PTPRD: variants seen among roughly 807,000 people sequenced by gnomAD.
PTPRD encodes receptor-type tyrosine-protein phosphatase delta.
Under a neutral mutation model 214.5 loss-of-function variants are expected in PTPRD, and 34 were observed. That is an observed-to-expected ratio of 0.16 (90% CI 0.12 to 0.21). The LOEUF is 0.21. Ranked by LOEUF, PTPRD falls within the 10% of genes least tolerant of loss-of-function variation. The probability of loss-of-function intolerance (pLI) is 1.00; values close to 1 mark genes in which losing one functional copy is unlikely to be tolerated. For synonymous variants in PTPRD, 1,128 were observed against 845.7 expected (o/e 1.33, Z -5.79); for missense variants, 2,545 against 2,398.7 (o/e 1.06, Z -1.27).
chr9:8,598,225 G>T (rs954000487), intron 14 of PTPRD, among the ~76,000 whole-genome samples: 7 of 152,104 alleles, frequency 4.6e-5, no homozygotes, highest in African/African-American at 1.4e-4. Flanking sequence ...GCCGAGGAGG[G>T]CAGATCACCT....
chr9:8,416,250 C>G (rs927131876), intron 35 of PTPRD, among the ~76,000 whole-genome samples: 1 of 152,002 alleles, frequency 6.6e-6, no homozygotes, highest in Non-Finnish European at 1.5e-5. Context: ...AAACATGAAA[C>G]AGTACTTTTG....
intron 3 of PTPRD, among the ~76,000 whole-genome samples, chr9:10,292,869 T>C (rs2095568966): frequency 3.3e-5 from 5 of 151,948 alleles, no homozygotes; most frequent in Admixed American, 3.3e-4. Context: ...AGTGTTATAA[T>C]GTGTGTATAT....
At chr9:8,915,750 G>T (rs961488455) in intron 11 of PTPRD, among the ~76,000 whole-genome samples, 1 of 152,154 alleles carries the variant, frequency 6.6e-6, no homozygotes, top group Non-Finnish European at 1.5e-5. Context: ...TTTCCTCTTA[G>T]TTGAGAAAGG....
intron 8 of PTPRD, among the ~76,000 whole-genome samples, chr9:9,459,184 CAAAGCAGTATTTGAG>C (rs2093394985): frequency 6.6e-6 from 1 of 151,918 alleles, no homozygotes; most frequent in Admixed American, 6.6e-5. Context: ...ATCACTACAG[CAAAGCAGTATTTGAG>C]AAAGCCACCA....
At chr9:9,805,249 A>C (rs1359917099) in intron 5 of PTPRD, among the ~76,000 whole-genome samples, 1 of 152,138 alleles carries the variant, frequency 6.6e-6, no homozygotes, top group Non-Finnish European at 1.5e-5. Context: ...GTATGAGAAG[A>C]AGTAATATAT....
At chr9:9,824,689 G>C (rs996872954) in intron 5 of PTPRD, among the ~76,000 whole-genome samples, 12 of 151,864 alleles carry the variant, frequency 7.9e-5, no homozygotes, top group Non-Finnish European at 1.6e-4. Context: ...TTTATTGTTA[G>C]GAATCAGAAA....
intron 2 of PTPRD, among the ~76,000 whole-genome samples, chr9:10,468,702 C>G (rs997828712): frequency 2.6e-5 from 4 of 151,886 alleles, no homozygotes; most frequent in African/African-American, 4.8e-5. Flanking sequence ...TAAAACAAAA[C>G]AGAACTCTTG....
At chr9:8,950,886 G>C (rs1360962595) in intron 11 of PTPRD, among the ~76,000 whole-genome samples, 2 of 151,928 alleles carry the variant, frequency 1.3e-5, no homozygotes, top group Non-Finnish European at 2.9e-5. Flanking sequence ...TTTATTGCCA[G>C]TTTCTGACCA....
At chr9:8,722,342 G>C (rs906997142) in intron 12 of PTPRD, among the ~76,000 whole-genome samples, 1 of 151,948 alleles carries the variant, frequency 6.6e-6, no homozygotes, top group Non-Finnish European at 1.5e-5. Flanking sequence ...GGTAGGCAAG[G>C]GAGCCATTAT....
At chr9:8,527,224 G>C (rs2074406012) in intron 16 of PTPRD, 121 bp downstream of exon 16, 3 of 1,031,076 alleles carry the variant, frequency 2.9e-6, no homozygotes, top group Admixed American at 4.2e-5. Context: ...CCACTACAGA[G>C]ATCTGGTGTC....
chr9:10,220,516 T>C (rs78635619), intron 3 of PTPRD, among the ~76,000 whole-genome samples: 451 of 152,036 alleles, frequency 3.0e-3, no homozygotes, highest in Non-Finnish European at 5.6e-3. Context: ...GGTGAAAACA[T>C]TTTGCATCAA....
intron 9 of PTPRD, among the ~76,000 whole-genome samples, chr9:9,366,383 G>C (rs1316727619): frequency 6.6e-6 from 1 of 151,498 alleles, no homozygotes; most frequent in Non-Finnish European, 1.5e-5. Context: ...GAATCATTGA[G>C]AGTAGGTCAC....
At chr9:9,111,826 G>T (rs914233742) in intron 10 of PTPRD, among the ~76,000 whole-genome samples, 20 of 152,138 alleles carry the variant, frequency 1.3e-4, no homozygotes, top group African/African-American at 4.6e-4. Flanking sequence ...AATTATAGAA[G>T]AATTTACTTC....
chr9:8,842,992 C>G (rs756891407), intron 11 of PTPRD, among the ~76,000 whole-genome samples: 2 of 152,164 alleles, frequency 1.3e-5, no homozygotes, highest in Non-Finnish European at 2.9e-5. Context: ...TTAAGAACAT[C>G]CCCATTCACT....
At chr9:9,835,699 T>C (rs1229829143) in intron 5 of PTPRD, among the ~76,000 whole-genome samples, 1 of 152,094 alleles carries the variant, frequency 6.6e-6, no homozygotes, top group Non-Finnish European at 1.5e-5. Context: ...CCAAAGTAAG[T>C]ATTTCCTGAT....
chr9:8,953,376 C>T (rs1450371832), intron 11 of PTPRD, among the ~76,000 whole-genome samples: 1 of 152,018 alleles, frequency 6.6e-6, no homozygotes, highest in Middle Eastern at 3.4e-3. Context: ...GATTAAAGAC[C>T]TCAAACTATA....
intron 4 of PTPRD, among the ~76,000 whole-genome samples, chr9:9,960,711 A>T (rs187861432): frequency 6.6e-6 from 1 of 152,298 alleles, no homozygotes; most frequent in East Asian, 1.9e-4. Flanking sequence ...ATACTCATCA[A>T]CAATAAGGAA....
At chr9:8,757,731 G>A (rs1025140840) in intron 11 of PTPRD, among the ~76,000 whole-genome samples, 4 of 150,262 alleles carry the variant, frequency 2.7e-5, no homozygotes, top group African/African-American at 9.9e-5. Flanking sequence ...GAACTATACT[G>A]ATAGCAATGA....
intron 4 of PTPRD, among the ~76,000 whole-genome samples, chr9:9,985,732 T>G (rs1042980942): frequency 3.3e-5 from 5 of 151,942 alleles, no homozygotes; most frequent in Non-Finnish European, 7.4e-5. Context: ...TTAGAAAAAT[T>G]GATAAGATAT....
Sources: allele counts gnomAD v4.1 joint callset (sites outside exome capture counted in the v4.1 genomes callset), GRCh38; gene constraint gnomAD v4.1.1; transcripts MANE v1.5; gene names NCBI Gene and HGNC (gene_info 2026-07-23, HGNC 2026-07-21).